EPB41L4A: variants seen among roughly 807,000 people sequenced by gnomAD.
EPB41L4A encodes the protein band 4.1-like protein 4A.
In EPB41L4A, 100 loss-of-function variants were observed where a neutral mutation model predicts 108.6. That is an observed-to-expected ratio of 0.92 (90% CI 0.78 to 1.09). EPB41L4A has a LOEUF of 1.09. Among genes scored for constraint, EPB41L4A ranks in the 50% least tolerant of loss-of-function variants. The probability of loss-of-function intolerance (pLI) is 0.00; values close to 1 mark genes in which losing one functional copy is unlikely to be tolerated. For synonymous variants in EPB41L4A, 319 were observed against 289.0 expected (o/e 1.10, Z -1.05); for missense variants, 1,030 against 842.7 (o/e 1.22, Z -2.75).
At chr5:112,318,016 G>A (rs1236469780) in intron 1 of EPB41L4A, among the ~76,000 whole-genome samples, 1 of 152,012 alleles carries the variant, frequency 6.6e-6, no homozygotes, top group Non-Finnish European at 1.5e-5. Flanking sequence ...TTGCAAAATA[G>A]GCAATTCTGA....
intron 7 of EPB41L4A, among the ~76,000 whole-genome samples, chr5:112,260,729 A>G (rs892145592): frequency 2.6e-5 from 4 of 152,244 alleles, no homozygotes; most frequent in African/African-American, 9.6e-5. Flanking sequence ...TTAAAATGAA[A>G]AAGTCATAGA....
chr5:112,184,985 G>A (rs1443509241), intron 17 of EPB41L4A, among the ~76,000 whole-genome samples: 8 of 152,084 alleles, frequency 5.3e-5, no homozygotes, highest in Admixed American at 2.0e-4. Context: ...TTGGACTTCC[G>A]AGGTATCAAG....
intron 15 of EPB41L4A, among the ~76,000 whole-genome samples, chr5:112,203,690 C>A (rs545236158): frequency 6.6e-6 from 1 of 152,256 alleles, no homozygotes; most frequent in African/African-American, 2.4e-5. Flanking sequence ...AAAGGCTTAT[C>A]TTTAAGTGTA....
chr5:112,275,216 A>G (rs1241822274), intron 4 of EPB41L4A, 110 bp downstream of exon 4: 1 of 1,323,804 alleles, frequency 7.6e-7, no homozygotes, highest in Non-Finnish European at 1.0e-6. Flanking sequence ...GCGTTACAAA[A>G]TGCAGGTAGA....
chr5:112,145,548 T>C (rs1017095428), intron 13 of EPB41L4A, among the ~76,000 whole-genome samples: 5 of 152,212 alleles, frequency 3.3e-5, no homozygotes, highest in African/African-American at 1.2e-4. Flanking sequence ...CCTGTCTTCT[T>C]CAGATTTGTC....
At position 112,419,073 on chromosome 5, in the gene EPB41L4A, G is replaced by A. The variant is rs750835761; in HGVS notation, c.-34C>T. The A allele has an allele frequency of 2.6e-6, 4 of 1,556,524 alleles. No homozygotes were observed. The highest frequency in any genetic ancestry group is 2.2e-5 in the South Asian group (2 of 89,340). ...TGGTCGTCTCCAGCCAGGAGAGAAA[G>A]CTACCACCGAGGCGCCCAGCCGCCC... On this transcript the variant is annotated 5_prime_UTR_variant, in exon 1 of 23. Transcript: ENST00000261486.
At position 112,240,592 on chromosome 5, in the gene EPB41L4A, T is replaced by A. The variant is rs549625719; in HGVS notation, c.887+127A>T. The A allele has an allele frequency of 3.6e-5, 21 of 584,788 alleles. No individual in the cohort carries two copies. The African/African-American group carries it at 4.1e-4, about 11-fold the overall frequency. The allele number at this position is 584,788 out of a possible 1,614,324, so 36.2% of individuals were successfully genotyped here. ...TTTGTATTAATATAATCCAGAGAAT[T>A]AGGAATTGAGAAAATTAATAAAAGG... On this transcript the variant is annotated intron_variant, in intron 10 of 22. Coordinates refer to ENST00000261486, the MANE Select transcript of EPB41L4A (RefSeq NM_022140.5).
At chr5:112,205,285 T>G (rs532124026) in intron 14 of EPB41L4A, 136 bp downstream of exon 14, 1 of 778,362 alleles carries the variant, frequency 1.3e-6, no homozygotes, top group East Asian at 2.5e-5. Flanking sequence ...CTGGGTCACA[T>G]TGATTTAGAG....
chr5:112,213,762 G>A (rs1337195923), intron 12 of EPB41L4A, among the ~76,000 whole-genome samples: 1 of 152,190 alleles, frequency 6.6e-6, no homozygotes, highest in Non-Finnish European at 1.5e-5. Flanking sequence ...TTATTAGGAA[G>A]ACTACATGGG....
At position 112,362,884 on chromosome 5, in the gene EPB41L4A, T is replaced by C. The variant is rs1758864370; in HGVS notation, c.100-55394A>G. Among the ~76,000 whole-genome samples the C allele has an allele frequency of 3.3e-5, 5 of 151,862 alleles. No individual in the cohort carries two copies. The South Asian group carries it at 1.0e-3, about 32-fold the overall frequency. On this transcript the variant is annotated intron_variant, in intron 1 of 22. Coordinates refer to ENST00000261486, the MANE Select transcript of EPB41L4A (RefSeq NM_022140.5). ...TATGATGTTTCCTAAAAGTAGCAGG[T>C]AGCTTTATATGTATTTTTATTTGAT...
At chr5:112,187,111 A>C (rs1348987385) in intron 17 of EPB41L4A, among the ~76,000 whole-genome samples, 1 of 152,226 alleles carries the variant, frequency 6.6e-6, no homozygotes, top group Non-Finnish European at 1.5e-5. Context: ...AGTACCTTTT[A>C]AAAAGTCAAA....
At chr5:112,393,945 C>T (rs982200266) in intron 1 of EPB41L4A, among the ~76,000 whole-genome samples, 2 of 152,072 alleles carry the variant, frequency 1.3e-5, no homozygotes. Context: ...ATACGCAAAT[C>T]AATAAATGTA....
chr5:112,328,280 G>A (rs1326751943), intron 1 of EPB41L4A, among the ~76,000 whole-genome samples: 1 of 152,000 alleles, frequency 6.6e-6, no homozygotes, highest in Non-Finnish European at 1.5e-5. Context: ...CTGTACTCCA[G>A]CCTTGGTGAC....
chr5:112,188,052 C>G (rs1302097852), intron 17 of EPB41L4A, among the ~76,000 whole-genome samples: 1 of 152,216 alleles, frequency 6.6e-6, no homozygotes, highest in South Asian at 2.1e-4. Context: ...CAGACAGACA[C>G]ACTGAAAGAA....
At chr5:112,384,607 A>G (rs1242212107) in intron 1 of EPB41L4A, among the ~76,000 whole-genome samples, 1 of 151,956 alleles carries the variant, frequency 6.6e-6, no homozygotes, top group Non-Finnish European at 1.5e-5. Flanking sequence ...CTACCCGGGA[A>G]GATAGTTTAG....
intron 2 of EPB41L4A, among the ~76,000 whole-genome samples, chr5:112,298,678 G>T (rs116423685): frequency 0.012 from 1,797 of 152,064 alleles, 43 homozygotes; most frequent in African/African-American, 0.04. Context: ...AATGATTTAG[G>T]GAGGATTTCC....
chr5:112,325,027 T>A, intron 1 of EPB41L4A, among the ~76,000 whole-genome samples: 1 of 152,172 alleles, frequency 6.6e-6, no homozygotes, highest in South Asian at 2.1e-4. Context: ...AAGTGCCAGG[T>A]ATACATACAA....
chr5:112,236,762 A>G (rs1006352578), intron 11 of EPB41L4A, among the ~76,000 whole-genome samples: 8 of 152,316 alleles, frequency 5.3e-5, no homozygotes, highest in Middle Eastern at 3.4e-3. Flanking sequence ...GAGTAGAAAT[A>G]CTCAGGTTCA....
intron 1 of EPB41L4A, among the ~76,000 whole-genome samples, chr5:112,367,734 A>T (rs1759224686): frequency 6.6e-6 from 1 of 152,224 alleles, no homozygotes; most frequent in South Asian, 2.1e-4. Context: ...CTCTTCTCAG[A>T]AAGACAATGA....
Sources: allele counts gnomAD v4.1 joint callset (sites outside exome capture counted in the v4.1 genomes callset), GRCh38; gene constraint gnomAD v4.1.1; transcripts MANE v1.5; gene names NCBI Gene and HGNC (gene_info 2026-07-23, HGNC 2026-07-21).